Variants in C12orf42 observed in about 807,000 individuals in gnomAD.
C12orf42 encodes uncharacterized protein C12orf42.
C12orf42 carries 25 observed loss-of-function variants against 21.6 expected under a neutral mutation model. The observed-to-expected ratio is 1.16, with a 90% CI of 0.84 to 1.62. C12orf42 has a LOEUF of 1.62. C12orf42 is among the 40% of genes most tolerant of loss of function. The probability of loss-of-function intolerance (pLI) is 0.00; values close to 1 mark genes in which losing one functional copy is unlikely to be tolerated. For synonymous variants in C12orf42, 174 were observed against 175.0 expected (o/e 0.99, Z 0.05); for missense variants, 483 against 459.3 (o/e 1.05, Z -0.47).
intron 3 of C12orf42, among the ~76,000 whole-genome samples, chr12:103,369,328 A>C (rs1323194883): frequency 6.6e-6 from 1 of 150,908 alleles, no homozygotes; most frequent in Non-Finnish European, 1.5e-5. Context: ...CACAAAATTG[A>C]CATATTAGTG....
chr12:103,226,853 C>G, the C12orf42 span, among the ~76,000 whole-genome samples: 1 of 152,026 alleles, frequency 6.6e-6, no homozygotes, highest in Non-Finnish European at 1.5e-5. Context: ...AGGTTTGGGA[C>G]GAGTTGCACT....
the C12orf42 span, among the ~76,000 whole-genome samples, chr12:103,061,490 T>C: frequency 7.9e-5 from 12 of 151,392 alleles, no homozygotes; most frequent in Non-Finnish European, 1.8e-4. Context: ...TATCCCATCA[T>C]GATTTTTTTT....
At chr12:103,513,421 G>T in the C12orf42 span, among the ~76,000 whole-genome samples, 1 of 152,186 alleles carries the variant, frequency 6.6e-6, no homozygotes, top group Non-Finnish European at 1.5e-5. Context: ...TCTAAAGCCA[G>T]ATAGATCACT....
intron 4 of C12orf42, among the ~76,000 whole-genome samples, chr12:103,295,264 T>G (rs1195153833): frequency 6.6e-6 from 1 of 152,156 alleles, no homozygotes. Context: ...TCCCTTCCCT[T>G]GTCTGGGTAG....
At chr12:103,486,125 T>C (rs1954813277) in intron 1 of C12orf42, among the ~76,000 whole-genome samples, 1 of 152,210 alleles carries the variant, frequency 6.6e-6, no homozygotes, top group South Asian at 2.1e-4. Context: ...TAGATAGGTC[T>C]TATTATTTTG....
At chr12:103,346,755 C>T (rs1410750316) in intron 4 of C12orf42, among the ~76,000 whole-genome samples, 1 of 152,192 alleles carries the variant, frequency 6.6e-6, no homozygotes, top group Non-Finnish European at 1.5e-5. Context: ...TATCCAGATT[C>T]TCATGTGCTG....
the C12orf42 span, among the ~76,000 whole-genome samples, chr12:103,205,158 G>A: frequency 2.0e-5 from 3 of 152,210 alleles, no homozygotes; most frequent in East Asian, 5.8e-4. Context: ...TGGAACAATG[G>A]GAACAAAAAC....
the C12orf42 span, among the ~76,000 whole-genome samples, chr12:103,069,215 A>AT: frequency 5.3e-3 from 779 of 146,880 alleles, 6 homozygotes; most frequent in African/African-American, 0.016. Flanking sequence ...TTCCCATTTG[A>AT]TTTTTTTTTT....
intron 3 of C12orf42, among the ~76,000 whole-genome samples, chr12:103,376,867 C>A (rs771581801): frequency 6.6e-6 from 1 of 151,886 alleles, no homozygotes; most frequent in Non-Finnish European, 1.5e-5. Flanking sequence ...ATAATTTTCT[C>A]CCCTCTGTGT....
intron 2 of C12orf42, among the ~76,000 whole-genome samples, chr12:103,412,867 G>T (rs1239710911): frequency 6.6e-6 from 1 of 152,204 alleles, no homozygotes; most frequent in South Asian, 2.1e-4. Context: ...TTTAGCCTTT[G>T]TGGGATGCAT....
chr12:103,302,673 G>T, intron 5 of C12orf42, 114 bp from the exon 6 acceptor site: 1 of 796,416 alleles, frequency 1.3e-6, no homozygotes, highest in Non-Finnish European at 1.8e-6. Context: ...TGTGCTCAGA[G>T]GGGAAAGAAA....
chr12:103,167,280 T>TAGG, the C12orf42 span, among the ~76,000 whole-genome samples: 1 of 152,196 alleles, frequency 6.6e-6, no homozygotes, highest in African/African-American at 2.4e-5. Flanking sequence ...GGCAGGAGAT[T>TAGG]AGGAGCTGCA....
intron 4 of C12orf42, among the ~76,000 whole-genome samples, chr12:103,291,777 G>A (rs1442595312): frequency 6.6e-6 from 1 of 152,128 alleles, no homozygotes; most frequent in African/African-American, 2.4e-5. Context: ...AGCAGTGAGA[G>A]CAACTAGAGG....
At position 103,306,160 on chromosome 12, in the gene C12orf42, C is replaced by A; in HGVS notation, c.445G>T (p.Glu149Ter). 6.2e-7 allele frequency: 1 copy of A among 1,613,938 alleles called. No individual in the cohort carries two copies. The highest frequency in any genetic ancestry group is 1.1e-5 in the South Asian group (1 of 91,082). Residue 149 changes from glutamate to a stop codon, truncating the protein, a stop_gained, in exon 5 of 6, where the codon GAA becomes TAA. Transcript: ENST00000548883. LOFTEE classifies it high-confidence loss of function. ...GCTCCTCTGGCTCTCTCCTCAGTTT[C>A]TCCTCTGGCAGTAAAAATCAATGGG... ...EAPLIFTARGETEERARGAPK... is the reference protein window; with the variant it reads ...EAPLIFTARG
the C12orf42 span, among the ~76,000 whole-genome samples, chr12:103,114,325 G>A: frequency 2.0e-5 from 3 of 152,306 alleles, no homozygotes; most frequent in East Asian, 1.9e-4. Flanking sequence ...CACGGGAAGC[G>A]TGGCCTAAAG....
At chr12:103,223,195 TG>T in the C12orf42 span, among the ~76,000 whole-genome samples, 4 of 151,984 alleles carry the variant, frequency 2.6e-5, no homozygotes, top group Non-Finnish European at 4.4e-5. Flanking sequence ...CGAAAATTTT[TG>T]GGGGGTGGTA....
intron 2 of C12orf42, among the ~76,000 whole-genome samples, chr12:103,473,168 A>G (rs1953762052): frequency 6.6e-6 from 1 of 152,204 alleles, no homozygotes; most frequent in African/African-American, 2.4e-5. Flanking sequence ...TGATTAATAC[A>G]GTACTTTACA....
At chr12:103,372,364 C>T (rs1031655846) in intron 3 of C12orf42, among the ~76,000 whole-genome samples, 2 of 152,132 alleles carry the variant, frequency 1.3e-5, no homozygotes, top group African/African-American at 4.8e-5. Context: ...ACCTGGTGAA[C>T]ATGTTAAAAT....
chr12:103,418,882 C>T (rs1278937766), intron 2 of C12orf42, among the ~76,000 whole-genome samples: 9 of 144,166 alleles, frequency 6.2e-5, no homozygotes, highest in Non-Finnish European at 1.2e-4. Flanking sequence ...TATCTTATAT[C>T]TACTATTGAC....
Sources: gnomAD v4.1 joint callset for allele counts (sites outside exome capture counted in the v4.1 genomes callset) on GRCh38, gnomAD v4.1.1 for gene constraint, MANE v1.5 for transcripts, NCBI Gene and HGNC (gene_info 2026-07-23, HGNC 2026-07-21) for gene names.